Variants in PLPPR5 observed in about 807,000 individuals in gnomAD.
PLPPR5 encodes phospholipid phosphatase related 5.
Under a neutral mutation model 33.9 loss-of-function variants are expected in PLPPR5, and 16 were observed. The ratio of observed to expected loss-of-function variants is 0.47; its 90% CI spans 0.32 to 0.72. The LOEUF is 0.72. PLPPR5 is among the 30% of genes least tolerant of loss of function. PLPPR5 has a pLI of 0.03. For missense variants in PLPPR5, 301 were observed against 406.7 expected (o/e 0.74, Z 2.23); for synonymous variants, 163 against 150.3 (o/e 1.08, Z -0.62).
chr1:99,001,671 G>GATATATATATATAT lies in PLPPR5; in HGVS notation c.237+2750_237+2763dup, dbSNP rs55722150. Among the ~76,000 whole-genome samples, 555 of 102,134 alleles carry GATATATATATATAT rather than the reference G, an allele frequency of 5.4e-3. 20 individuals are homozygous for GATATATATATATAT. The highest frequency in any genetic ancestry group is 7.3e-3 in the South Asian group (22 of 3,024). The allele number at this position is 102,134 out of a possible 152,430, so 67.0% of individuals were successfully genotyped here. ...ACTAGAAATGAGTTTGAAAGTTAAA[G>GATATATATATATAT]ATATATATATATATATATATATATA... On this transcript the variant is annotated intron_variant, in intron 1 of 5. Coordinates refer to ENST00000263177, the MANE Select transcript of PLPPR5 (RefSeq NM_001037317.2).
intron 3 of PLPPR5, among the ~76,000 whole-genome samples, chr1:98,922,524 G>A (rs1300080311): frequency 6.6e-6 from 1 of 152,062 alleles, no homozygotes; most frequent in African/African-American, 2.4e-5. Flanking sequence ...CCAGCATTAT[G>A]AATACAGCTA....
intron 1 of PLPPR5, among the ~76,000 whole-genome samples, chr1:98,967,709 T>C (rs1651499031): frequency 6.6e-6 from 1 of 152,140 alleles, no homozygotes; most frequent in Non-Finnish European, 1.5e-5. Context: ...GTTGTGAGGT[T>C]ATTGTTATAA....
intron 1 of PLPPR5, among the ~76,000 whole-genome samples, chr1:98,979,483 A>G (rs1178222148): frequency 6.6e-6 from 1 of 152,102 alleles, no homozygotes; most frequent in Non-Finnish European, 1.5e-5. Context: ...TAGACATCAC[A>G]TTATTATTTA....
At chr1:98,962,206 C>G (rs1651274346) in intron 1 of PLPPR5, among the ~76,000 whole-genome samples, 1 of 152,032 alleles carries the variant, frequency 6.6e-6, no homozygotes, top group South Asian at 2.1e-4. Context: ...TTAATTGACA[C>G]AAAATTATAT....
chr1:98,954,747 A>G (rs1650939984), intron 2 of PLPPR5, among the ~76,000 whole-genome samples: 1 of 152,128 alleles, frequency 6.6e-6, no homozygotes, highest in African/African-American at 2.4e-5. Flanking sequence ...TATCAAAATC[A>G]GAAATTTGAA....
In PLPPR5 at chr1:98,953,140, A is replaced by G. The variant is rs1557681624; in HGVS notation, c.551T>C (p.Ile184Thr). The change falls in exon 3 of 6, where the codon ATC becomes ACC. Residue 184 changes from isoleucine to threonine, a missense_variant. Physicochemically the swap from Ile to Thr is moderately conservative, Grantham distance 89. Transcript: ENST00000263177. Reference protein sequence around the residue: ...EEACTGNPDLIMRARKTFPSK... With the variant: ...EEACTGNPDLTMRARKTFPSK... ...TGGAAAGGTTTTTCGGGCTCTCATG[A>G]TGAGATCTGGGTTGCCAGTACAGGC... 6.2e-7 allele frequency: 1 copy of G among 1,614,108 alleles called. No homozygotes were observed. The highest frequency in any genetic ancestry group is 8.5e-7 in the Non-Finnish European group (1 of 1,180,006).
intron 4 of PLPPR5, among the ~76,000 whole-genome samples, chr1:98,921,185 G>A (rs1347373810): frequency 6.6e-6 from 1 of 152,088 alleles, no homozygotes; most frequent in Non-Finnish European, 1.5e-5. Flanking sequence ...CAAAACCTAT[G>A]GAAATAGTCC....
At chr1:98,991,584 A>T (rs1652452998) in intron 1 of PLPPR5, among the ~76,000 whole-genome samples, 1 of 152,204 alleles carries the variant, frequency 6.6e-6, no homozygotes, top group African/African-American at 2.4e-5. Context: ...GAAGTTAAAG[A>T]TTCTCAGTTC....
At chr1:98,972,071 C>G (rs764589487) in intron 1 of PLPPR5, among the ~76,000 whole-genome samples, 7 of 151,948 alleles carry the variant, frequency 4.6e-5, no homozygotes, top group Non-Finnish European at 1.0e-4. Context: ...GGTGTTGGGC[C>G]CAAACGAACC....
At chr1:98,934,027 G>T (rs1024120620) in intron 3 of PLPPR5, among the ~76,000 whole-genome samples, 1 of 152,182 alleles carries the variant, frequency 6.6e-6, no homozygotes. Flanking sequence ...ATGGGCACCA[G>T]GGGAGGAAGA....
At chr1:98,930,119 G>T (rs1358662613) in intron 3 of PLPPR5, among the ~76,000 whole-genome samples, 1 of 152,076 alleles carries the variant, frequency 6.6e-6, no homozygotes, top group Non-Finnish European at 1.5e-5. Context: ...ACAAAAATAT[G>T]CACAAGACAT....
intron 1 of PLPPR5, among the ~76,000 whole-genome samples, chr1:98,998,584 T>C (rs1287261766): frequency 6.6e-6 from 1 of 152,182 alleles, no homozygotes; most frequent in Non-Finnish European, 1.5e-5. Flanking sequence ...GAGAAAATTT[T>C]GACTCCTGGT....
At chr1:98,962,966 A>G (rs1268295366) in intron 1 of PLPPR5, among the ~76,000 whole-genome samples, 2 of 152,092 alleles carry the variant, frequency 1.3e-5, no homozygotes, top group Non-Finnish European at 2.9e-5. Context: ...TTCTATTTAC[A>G]ATTTTCAGTG....
intron 2 of PLPPR5, among the ~76,000 whole-genome samples, chr1:98,954,386 T>C (rs1330157104): frequency 6.6e-6 from 1 of 152,132 alleles, no homozygotes; most frequent in African/African-American, 2.4e-5. Context: ...AAATGTCATA[T>C]ACTTAGGTTA....
chr1:98,900,461 T>C (rs1648655829), intron 5 of PLPPR5, among the ~76,000 whole-genome samples: 1 of 152,042 alleles, frequency 6.6e-6, no homozygotes, highest in Non-Finnish European at 1.5e-5. Context: ...AAATTCTCTC[T>C]CTCCCCACGA....
intron 1 of PLPPR5, among the ~76,000 whole-genome samples, chr1:98,958,395 TTC>T (rs1553169828): frequency 6.6e-6 from 1 of 151,942 alleles, no homozygotes; most frequent in Non-Finnish European, 1.5e-5. Flanking sequence ...CTTTTCCTCT[TTC>T]TTTTTTTAAC....
chr1:98,897,398 T>C (rs1648520586), intron 5 of PLPPR5, among the ~76,000 whole-genome samples: 1 of 152,210 alleles, frequency 6.6e-6, no homozygotes, highest in South Asian at 2.1e-4. Context: ...ACCTACAAAA[T>C]GTGTTTTACA....
chr1:98,943,838 A>C (rs1650462554), intron 3 of PLPPR5, among the ~76,000 whole-genome samples: 1 of 152,088 alleles, frequency 6.6e-6, no homozygotes, highest in African/African-American at 2.4e-5. Flanking sequence ...TCTTCAACCA[A>C]CTAATATTGG....
chr1:98,964,948 T>C (rs1651377913), intron 1 of PLPPR5, among the ~76,000 whole-genome samples: 1 of 151,468 alleles, frequency 6.6e-6, no homozygotes, highest in Non-Finnish European at 1.5e-5. Context: ...TACAGGCATG[T>C]GCAACCATGC....
Sources: allele counts gnomAD v4.1 joint callset (sites outside exome capture counted in the v4.1 genomes callset), GRCh38; gene constraint gnomAD v4.1.1; transcripts MANE v1.5; gene names NCBI Gene and HGNC (gene_info 2026-07-23, HGNC 2026-07-21).